ZNF215: variants seen among roughly 807,000 people sequenced by gnomAD.
ZNF215 encodes the protein zinc finger protein 215.
In ZNF215, 24 loss-of-function variants were observed where a neutral mutation model predicts 27.2. The observed-to-expected ratio is 0.88, with a 90% confidence interval of 0.64 to 1.24. The LOEUF is 1.24. ZNF215 is among the 50% of genes most tolerant of loss of function. ZNF215 has a pLI of 0.00. For synonymous variants in ZNF215, 210 were observed against 204.0 expected (o/e 1.03, Z -0.25); for missense variants, 675 against 605.7 (o/e 1.11, Z -1.20).
chr11:6,935,389 T>C (rs1590047986), intron 3 of ZNF215, among the ~76,000 whole-genome samples: 1 of 152,338 alleles, frequency 6.6e-6, no homozygotes, highest in Admixed American at 6.5e-5. Flanking sequence ...ATGGTTTTTG[T>C]TTTTGATATT....
rs201944360 is a variant in ZNF215 at position 6,949,505 on chromosome 11, G to A, written c.712+5864G>A. ...TGCATTTCTCTGATGGCCAGTGATG[G>A]TGAGCATTTTTTCATGTGTTTTTTG... On this transcript the variant is annotated intron_variant, in intron 6 of 6. Transcript: ENST00000278319. Among the ~76,000 whole-genome samples, 146 of 152,270 alleles carry A rather than the reference G, an allele frequency of 9.6e-4. 1 individual carries two copies. The East Asian group carries it at 0.011, about 11-fold the overall frequency.
At position 6,953,762 on chromosome 11, in the gene ZNF215, G is replaced by C. The variant is rs548633682; in HGVS notation, c.713-1928G>C. On this transcript the variant is annotated intron_variant, in intron 6 of 6. Transcript: ENST00000278319. ...TCAAAGTCATTCTCCGTCCGGCTTT[G>C]TTCCGTTGCTTGTGAGGAACTGCGT... is the stretch of plus-strand genomic sequence containing the variant. 7.2e-5 allele frequency among the ~76,000 whole-genome samples: 11 copies of C among 152,280 alleles called. 1 individual carries two copies. The South Asian group carries it at 2.1e-3, about 29-fold the overall frequency.
chr11:6,958,214 T>C (rs1180045572), downstream of ZNF215, among the ~76,000 whole-genome samples: 2 of 152,230 alleles, frequency 1.3e-5, no homozygotes, highest in African/African-American at 4.8e-5. Flanking sequence ...TTCATCATAG[T>C]ACTTACATTA....
Position 6,950,707 on chromosome 11 carries a change from A to C in ZNF215, c.713-4983A>C, listed in dbSNP as rs1418025453. Among the ~76,000 whole-genome samples, 3 of 150,832 alleles carry C rather than the reference A, an allele frequency of 2.0e-5. No homozygotes were observed. The South Asian group carries it at 6.3e-4, about 32-fold the overall frequency. On this transcript the variant is annotated intron_variant, in intron 6 of 6. Transcript: ENST00000278319. Reference sequence around the variant, plus strand: ...GGACAATTTGACTTCCTCTTTTCCTAATTGAATACCCTTTATTTCCTTCTC... The same window carrying C: ...GGACAATTTGACTTCCTCTTTTCCTCATTGAATACCCTTTATTTCCTTCTC...
At chr11:6,991,546 T>C (rs1851118193), downstream of ZNF215, among the ~76,000 whole-genome samples, 1 of 152,242 alleles carries the variant, frequency 6.6e-6, no homozygotes, top group South Asian at 2.1e-4. Flanking sequence ...CACCCGCAAC[T>C]GCTTTTTTAC....
Position 6,957,826 on chromosome 11 carries a change from C to T in ZNF215, c.*1295C>T, listed in dbSNP as rs560583659. 49 of 985,390 alleles carry T rather than the reference C, an allele frequency of 5.0e-5. No individual in the cohort carries two copies. Among genetic ancestry groups the T allele is most frequent in the Non-Finnish European group, 5.9e-5 (49 of 829,922 alleles). The allele number at this position is 985,390 out of a possible 1,614,324, so 61.0% of individuals were successfully genotyped here. A position where few individuals can be genotyped will look rare whatever the true frequency, so the allele number is the denominator to read the frequency against. On this transcript the variant is annotated 3_prime_UTR_variant, in exon 7 of 7. Coordinates refer to ENST00000278319, the MANE Select transcript of ZNF215 (RefSeq NM_013250.4). The stretch of plus-strand genomic sequence containing the variant: ...CCAGACATTATGAAGTTATTAAAGT[C>T]TCCTATACTCTGTACACCAGAACTG...
At chr11:6,953,103 C>T (rs371940564) in intron 6 of ZNF215, among the ~76,000 whole-genome samples, 11 of 151,834 alleles carry the variant, frequency 7.2e-5, no homozygotes, top group African/African-American at 2.4e-4. Context: ...CCAAGAGATC[C>T]GCTGTTAGTC....
chr11:6,987,887 GATTTGGCC>G (rs1851077074), downstream of ZNF215, among the ~76,000 whole-genome samples: 1 of 152,136 alleles, frequency 6.6e-6, no homozygotes, highest in African/African-American at 2.4e-5. Context: ...ACTTACCTGG[GATTTGGCC>G]ATTTCTTCTT....
intron 5 of ZNF215, among the ~76,000 whole-genome samples, chr11:6,981,399 G>C (rs1248687382): frequency 6.6e-6 from 1 of 151,790 alleles, no homozygotes; most frequent in Non-Finnish European, 1.5e-5. Context: ...TTGGCTGCAT[G>C]AATGTCTTCT....
At chr11:6,943,358 T>A in intron 5 of ZNF215, 143 bp downstream of exon 5, 1 of 1,317,994 alleles carries the variant, frequency 7.6e-7, no homozygotes, top group East Asian at 2.3e-5. Flanking sequence ...TAGCAGATTT[T>A]CTGACTCATC....
At chr11:6,964,170 G>GT (rs1850570375) in intron 5 of ZNF215, among the ~76,000 whole-genome samples, 1 of 151,778 alleles carries the variant, frequency 6.6e-6, no homozygotes, top group South Asian at 2.1e-4. Flanking sequence ...AGTTTTGACA[G>GT]TTTTTTATAT....
chr11:6,949,966 C>T (rs1320921736), intron 6 of ZNF215, among the ~76,000 whole-genome samples: 4 of 151,988 alleles, frequency 2.6e-5, no homozygotes, highest in Non-Finnish European at 4.4e-5. Context: ...GCCAGATTTC[C>T]CAGCACCATT....
intron 2 of ZNF215, among the ~76,000 whole-genome samples, chr11:6,928,307 T>G (rs1321009518): frequency 6.6e-6 from 1 of 152,160 alleles, no homozygotes; most frequent in East Asian, 1.9e-4. Context: ...TTTTTTGACT[T>G]TATCTGTCAG....
At chr11:6,991,471 C>T (rs1208287128), downstream of ZNF215, among the ~76,000 whole-genome samples, 3 of 152,204 alleles carry the variant, frequency 2.0e-5, no homozygotes, top group Non-Finnish European at 4.4e-5. Flanking sequence ...TGGATGAGGG[C>T]CCTACCCTAG....
chr11:6,991,495 C>T (rs1016158745), downstream of ZNF215, among the ~76,000 whole-genome samples: 22 of 152,336 alleles, frequency 1.4e-4, no homozygotes, highest in African/African-American at 5.0e-4. Flanking sequence ...CCCCTCAGGC[C>T]TCCTGCACTT....
intron 5 of ZNF215, among the ~76,000 whole-genome samples, chr11:6,973,117 A>G (rs12419570): frequency 0.21 from 31,886 of 151,962 alleles, 3,553 homozygotes; most frequent in Non-Finnish European, 0.25. Context: ...TCATTGCTCA[A>G]TTCCCACCTA....
chr11:6,952,988 G>T lies in ZNF215; in HGVS notation c.713-2702G>T, dbSNP rs1399297681. Among the ~76,000 whole-genome samples the T allele has an allele frequency of 7.9e-5, 12 of 151,960 alleles. No individual in the cohort carries two copies. The South Asian group carries it at 8.3e-4, about 11-fold the overall frequency. On this transcript the variant is annotated intron_variant, in intron 6 of 6. Transcript: ENST00000278319. Reference sequence around the variant, plus strand: ...GTGAAGTATTTTATTTCTCCTTCACGTATGAAGCTTAGTTTGGCTGGATAT... The same window carrying T: ...GTGAAGTATTTTATTTCTCCTTCACTTATGAAGCTTAGTTTGGCTGGATAT...
intron 5 of ZNF215, among the ~76,000 whole-genome samples, chr11:6,970,196 G>A (rs150741651): frequency 5.4e-4 from 82 of 152,202 alleles, no homozygotes; most frequent in African/African-American, 1.7e-3. Flanking sequence ...ATGGAAATAC[G>A]AATAATACAA....
chr11:6,940,143 G>C (rs141591704), intron 3 of ZNF215, among the ~76,000 whole-genome samples: 2 of 151,942 alleles, frequency 1.3e-5, no homozygotes, highest in African/African-American at 4.8e-5. Context: ...TGAGGCAGGA[G>C]GATTGGTTGA....
Sources: gnomAD v4.1 joint callset for allele counts (sites outside exome capture counted in the v4.1 genomes callset) on GRCh38, gnomAD v4.1.1 for gene constraint, MANE v1.5 for transcripts, NCBI Gene and HGNC (gene_info 2026-07-23, HGNC 2026-07-21) for gene names.